Variants in HECTD4 observed in about 807,000 individuals in gnomAD.
HECTD4 encodes the protein probable E3 ubiquitin-protein ligase HECTD4.
HECTD4 carries 114 observed loss-of-function variants against 471.5 expected under a neutral mutation model. That is an observed-to-expected ratio of 0.24 (90% confidence interval 0.21 to 0.28). HECTD4 has a LOEUF of 0.28. Among genes scored for constraint, HECTD4 ranks in the 10% least tolerant of loss-of-function variants. The pLI, the probability that HECTD4 is intolerant of heterozygous loss-of-function variation, is 1.00. For synonymous variants in HECTD4, 2,012 were observed against 2,256.0 expected, an observed-to-expected ratio of 0.89 and a Z score of 3.07; for missense variants, 3,866 against 5,651.5, an observed-to-expected ratio of 0.68 and a Z score of 10.13.
rs117505077 is a variant in HECTD4, at chr12:112,206,354, G to T, written c.8131+1520C>A. Among the ~76,000 whole-genome samples, 42 of 152,150 alleles carry T rather than the reference G, an allele frequency of 2.8e-4. No homozygotes were observed. In the East Asian group the frequency reaches 7.7e-3, roughly 28 times the overall value. On this transcript the variant is annotated intron_variant, in intron 52 of 75. Transcript: ENST00000682272. Reference sequence around the variant, plus strand: ...TACAAAAAATAAAAAAATTAGCCAGGCTTGGTAGTGAGTGCCTGTAGTCCC... The same window carrying T: ...TACAAAAAATAAAAAAATTAGCCAGTCTTGGTAGTGAGTGCCTGTAGTCCC...
chr12:112,255,282 T>G (rs950638145), intron 21 of HECTD4, among the ~76,000 whole-genome samples: 1 of 152,190 alleles, frequency 6.6e-6, no homozygotes, highest in Non-Finnish European at 1.5e-5. Flanking sequence ...GAGCTATGAA[T>G]TACGGTGGAC....
rs2035321427 is a variant in HECTD4, at chr12:112,308,895, T to C, written c.1026-4A>G. On this transcript the variant is annotated splice_region_variant and splice_polypyrimidine_tract_variant and intron_variant, in intron 5 of 75. Transcript: ENST00000682272. The stretch of plus-strand genomic sequence containing the variant: ...GTTCCGGCAGTACACAAAACCTCTG[T>C]GGAATGAAATGGAGCACAGGCTGAA... The C allele has an allele frequency of 6.5e-7, 1 of 1,535,582 alleles. No individual in the cohort carries two copies. Among genetic ancestry groups the C allele is most frequent in the Non-Finnish European group, 8.7e-7 (1 of 1,146,746 alleles).
intron 7 of HECTD4, among the ~76,000 whole-genome samples, chr12:112,296,492 G>T (rs2035018311): frequency 6.6e-6 from 1 of 151,704 alleles, no homozygotes; most frequent in South Asian, 2.1e-4. Context: ...ACAAGGTGTA[G>T]GTGCAGTAGA....
chr12:112,186,493 T>G (rs887499579), intron 60 of HECTD4, among the ~76,000 whole-genome samples: 2 of 149,392 alleles, frequency 1.3e-5, no homozygotes, highest in Non-Finnish European at 3.0e-5. Flanking sequence ...CCTACCAGCA[T>G]GCCCAGTTAA....
At chr12:112,265,323 T>C (rs375813543) in intron 15 of HECTD4, 28 bp from the exon 16 acceptor site, 54 of 1,410,860 alleles carry the variant, frequency 3.8e-5, no homozygotes, top group Non-Finnish European at 4.9e-5. Flanking sequence ...AATGTAACAA[T>C]AAAATATTGA....
At chr12:112,309,362 A>G (rs2035329983) in intron 5 of HECTD4, among the ~76,000 whole-genome samples, 199 bp downstream of exon 5, 1 of 152,252 alleles carries the variant, frequency 6.6e-6, no homozygotes, top group South Asian at 2.1e-4. Context: ...GGGCCAAAAC[A>G]AGGCTAAAAT....
intron 2 of HECTD4, among the ~76,000 whole-genome samples, chr12:112,317,649 G>A (rs1360585864): frequency 2.6e-5 from 4 of 152,112 alleles, no homozygotes; most frequent in East Asian, 1.9e-4. Flanking sequence ...GTGATCATAC[G>A]GGTCAATGGG....
chr12:112,244,490 T>C (rs1430072954), intron 29 of HECTD4, among the ~76,000 whole-genome samples: 3 of 152,190 alleles, frequency 2.0e-5, no homozygotes, highest in African/African-American at 4.8e-5. Context: ...TACCTCAGCC[T>C]CCCAAGTAGC....
At chr12:112,302,481 G>A (rs2035186018) in intron 7 of HECTD4, 21 of 744,382 alleles carry the variant, frequency 2.8e-5, no homozygotes, top group South Asian at 2.6e-4. Flanking sequence ...CTCTGCTGCT[G>A]CAACCTGACA....
chr12:112,190,046 G>A (rs923826358), intron 60 of HECTD4, among the ~76,000 whole-genome samples: 5 of 152,154 alleles, frequency 3.3e-5, no homozygotes, highest in African/African-American at 9.6e-5. Flanking sequence ...GAGCCACTGC[G>A]TCTGGCCCGA....
intron 45 of HECTD4, among the ~76,000 whole-genome samples, chr12:112,218,123 A>C (rs1429816055): frequency 6.6e-6 from 1 of 151,048 alleles, no homozygotes; most frequent in Non-Finnish European, 1.5e-5. Context: ...AGGCCACTGC[A>C]CTCCAGCCTG....
chr12:112,326,142 T>C (rs1026432966), intron 1 of HECTD4, among the ~76,000 whole-genome samples: 2 of 152,162 alleles, frequency 1.3e-5, no homozygotes, highest in African/African-American at 2.4e-5. Flanking sequence ...TCTAATTGAA[T>C]GTGGGTAAAA....
intron 55 of HECTD4, among the ~76,000 whole-genome samples, chr12:112,198,292 G>C (rs1312748004): frequency 6.6e-6 from 1 of 152,206 alleles, no homozygotes; most frequent in African/African-American, 2.4e-5. Flanking sequence ...TATTCACTGA[G>C]ATCTGAATTA....
At chr12:112,247,579 T>G in intron 27 of HECTD4, 29 bp from the exon 28 acceptor site, 1 of 1,198,692 alleles carries the variant, frequency 8.3e-7, no homozygotes, top group Non-Finnish European at 1.2e-6. Context: ...GTATGCAGAA[T>G]CTGCAAGAAC....
chr12:112,186,341 ATT>A (rs773102015), intron 60 of HECTD4, among the ~76,000 whole-genome samples: 1 of 111,840 alleles, frequency 8.9e-6, no homozygotes, highest in Non-Finnish European at 1.9e-5. Context: ...TTTTTTAATA[ATT>A]TTTTTTTTTT....
intron 19 of HECTD4, 143 bp downstream of exon 19, chr12:112,258,969 A>G (rs893467584): frequency 1.4e-6 from 1 of 738,822 alleles, no homozygotes; most frequent in East Asian, 2.7e-5. Flanking sequence ...TTATGACATG[A>G]TATTTTTCTT....
At position 112,213,677 on chromosome 12, in the gene HECTD4, C is replaced by T. The variant is rs2135546679; in HGVS notation, c.7466-1027G>A. ...CTTCAGCCTGGGCGACAGAGCAAGA[C>T]TCCGTCTCAAAAAAATATATACATA... On this transcript the variant is annotated intron_variant, in intron 48 of 75. Coordinates refer to ENST00000682272, the MANE Select transcript of HECTD4 (RefSeq NM_001388303.1). The surrounding 1 kb of genome is among the most constrained non-coding windows in gnomAD (Gnocchi z 4.0). Among the ~76,000 whole-genome samples, 1 of 146,976 alleles carries T rather than the reference C, an allele frequency of 6.8e-6. No homozygotes were observed. Among genetic ancestry groups the T allele is most frequent in the South Asian group, 2.1e-4 (1 of 4,694 alleles).
intron 1 of HECTD4, among the ~76,000 whole-genome samples, chr12:112,373,108 T>C (rs1364199568): frequency 6.6e-6 from 1 of 152,174 alleles, no homozygotes; most frequent in Non-Finnish European, 1.5e-5. Flanking sequence ...ATGATGATAG[T>C]ATAACATAAT....
At chr12:112,206,367 T>G (rs1308225472) in intron 52 of HECTD4, among the ~76,000 whole-genome samples, 1 of 151,892 alleles carries the variant, frequency 6.6e-6, no homozygotes, top group African/African-American at 2.4e-5. Flanking sequence ...TGGTAGTGAG[T>G]GCCTGTAGTC....
Sources: gnomAD v4.1 joint callset for allele counts (sites outside exome capture counted in the v4.1 genomes callset) on GRCh38, gnomAD v4.1.1 for gene constraint, Gnocchi (gnomAD v3.1) non-coding constraint, MANE v1.5 for transcripts, NCBI Gene and HGNC (gene_info 2026-07-23, HGNC 2026-07-21) for gene names.